Variants in RAI1 observed in about 807,000 individuals in gnomAD.
The protein encoded by RAI1 is retinoic acid induced 1.
Under a neutral mutation model 123.8 loss-of-function variants are expected in RAI1, and 9 were observed. The observed-to-expected ratio is 0.07, with a 90% CI of 0.04 to 0.13. The LOEUF (loss-of-function observed/expected upper bound fraction) is 0.13, where lower values mean the gene tolerates loss of function less well. Among genes scored for constraint, RAI1 ranks in the 10% least tolerant of loss-of-function variants. RAI1 has a pLI of 1.00. For missense variants in RAI1, 2,256 were observed against 2,545.8 expected (o/e 0.89, Z 2.45); for synonymous variants, 1,231 against 1,127.3 (o/e 1.09, Z -1.84).
intron 1 of RAI1, among the ~76,000 whole-genome samples, chr17:17,719,966 T>C (rs1915825550): frequency 6.6e-6 from 1 of 152,180 alleles, no homozygotes; most frequent in South Asian, 2.1e-4. Flanking sequence ...AGCGTGAGGC[T>C]TACCAGACCA....
At chr17:17,702,739 C>T (rs956808605) in intron 1 of RAI1, among the ~76,000 whole-genome samples, 3 of 152,154 alleles carry the variant, frequency 2.0e-5, no homozygotes, top group Admixed American at 6.5e-5. Context: ...ATGTGAAACT[C>T]TTGGTATCCA....
chr17:17,752,439 G>C (rs1425279799), intron 2 of RAI1, among the ~76,000 whole-genome samples: 1 of 152,088 alleles, frequency 6.6e-6, no homozygotes, highest in Non-Finnish European at 1.5e-5. Context: ...TAACAGGCGG[G>C]CGCGGCCGCG....
intron 2 of RAI1, among the ~76,000 whole-genome samples, chr17:17,771,738 A>T (rs2031166892): frequency 6.6e-6 from 1 of 152,182 alleles, no homozygotes; most frequent in Non-Finnish European, 1.5e-5. Flanking sequence ...TGGTATGCAG[A>T]GTCATCCCTT....
At chr17:17,715,441 T>TG (rs2142913157) in intron 1 of RAI1, among the ~76,000 whole-genome samples, 1 of 152,328 alleles carries the variant, frequency 6.6e-6, no homozygotes, top group African/African-American at 2.4e-5. Flanking sequence ...GGATTCCATG[T>TG]GGGGTGCTTG....
chr17:17,787,653 G>A (rs1239238523), intron 2 of RAI1, among the ~76,000 whole-genome samples: 3 of 152,164 alleles, frequency 2.0e-5, no homozygotes, highest in African/African-American at 4.8e-5. Context: ...TGGGCCCTGC[G>A]GCCCAGGTCT....
intron 2 of RAI1, among the ~76,000 whole-genome samples, chr17:17,782,959 C>G (rs547638694): frequency 4.6e-5 from 7 of 152,162 alleles, no homozygotes; most frequent in African/African-American, 7.2e-5. Flanking sequence ...GCGGCAGCCC[C>G]GGCCTCATTT....
chr17:17,802,307 C>CT, intron 3 of RAI1: 1 of 399,522 alleles, frequency 2.5e-6, no homozygotes. Context: ...AGCTGGTCCC[C>CT]TGGAGGGTGC....
At position 17,800,316 on chromosome 17, in the gene RAI1, TG is replaced by T. The variant is rs2032420288; in HGVS notation, c.5565+1805del. Among the ~76,000 whole-genome samples, 1 of 151,966 alleles carries T rather than the reference TG, an allele frequency of 6.6e-6. No homozygotes were observed. Among genetic ancestry groups the T allele is most frequent in the East Asian group, 1.9e-4 (1 of 5,164 alleles). On this transcript the variant is annotated intron_variant, in intron 3 of 5. Transcript: ENST00000353383. This position sits in a 1 kb window ranked among gnomAD's most constrained non-coding sequence, Gnocchi z 4.7. ...TAACCCTCAGATCACCAGCCCCAGC[TG>T]GCTGCCACCTCCCCTGCTTCACAGC...
chr17:17,771,506 C>T lies in RAI1; in HGVS notation c.-16-21427C>T, dbSNP rs574566077. On this transcript the variant is annotated intron_variant, in intron 2 of 5. Transcript: ENST00000353383. ...CTCTAGAGGCTGTGGGGACAGAGTG[C>T]ATCAACCTGGGGTGCATCCAGTCCA... 3.9e-5 allele frequency among the ~76,000 whole-genome samples: 6 copies of T among 152,332 alleles called. 1 individual carries two copies. The South Asian group carries it at 1.2e-3, about 32-fold the overall frequency.
Position 17,797,538 on chromosome 17 carries a change from C to G in RAI1, c.4590C>G (p.Asn1530Lys). 5 of 1,614,046 alleles carry G rather than the reference C, an allele frequency of 3.1e-6. No individual in the cohort carries two copies. The highest frequency in any genetic ancestry group is 3.4e-6 in the Non-Finnish European group (4 of 1,180,002). The change falls in exon 3 of 6, where the codon AAC (asparagine) becomes AAG (lysine). Residue 1530 changes from asparagine to lysine, a missense_variant. Asn to Lys is a moderately conservative substitution (Grantham distance 94, BLOSUM62 0). This residue lies in a region of RAI1 where 410 missense variants were observed against 374.6 expected (regional missense o/e 1.09). Transcript: ENST00000353383. ...CACAGAAACAGCCAGGCCACACCAA[C>G]TACAGCAGCTATTCCAAGCGGAAGC... ...TRAQKQPGHTNYSSYSKRKRL... is the reference protein window; with the variant it reads ...TRAQKQPGHTKYSSYSKRKRL...
intron 1 of RAI1, among the ~76,000 whole-genome samples, chr17:17,717,138 G>C (rs534047577): frequency 1.3e-5 from 2 of 152,326 alleles, no homozygotes; most frequent in African/African-American, 4.8e-5. Flanking sequence ...GAATGTGGCT[G>C]CTGCCATGGC....
chr17:17,705,566 A>AAAAACT (rs1915366474), intron 1 of RAI1, among the ~76,000 whole-genome samples: 1 of 152,090 alleles, frequency 6.6e-6, no homozygotes, highest in South Asian at 2.1e-4. Context: ...AAACAAAAAC[A>AAAAACT]AAAACAAAAA....
chr17:17,805,411 C>A (rs1256173697), intron 4 of RAI1, among the ~76,000 whole-genome samples: 2 of 152,192 alleles, frequency 1.3e-5, no homozygotes, highest in South Asian at 4.1e-4. Context: ...TCCCCGTCAC[C>A]CTCAATCCCT....
chr17:17,793,459 C>T lies in RAI1; in HGVS notation c.511C>T (p.Leu171=). The T allele has an allele frequency of 6.2e-7, 1 of 1,613,404 alleles. No homozygotes were observed. The highest frequency in any genetic ancestry group is 1.3e-5 in the African/African-American group (1 of 75,026). ...GAQVPFRTHS[L]HVQQPPPPQQ... ...CCAGGTGCCCTTTCGGACTCACTCCCTGCACGTCCAGCAGCCACCGCCGCC... is the reference window on the plus strand; with the variant it reads ...CCAGGTGCCCTTTCGGACTCACTCCTTGCACGTCCAGCAGCCACCGCCGCC... Residue 171 remains leucine, a synonymous_variant, in exon 3 of 6, where the codon CTG becomes TTG. Transcript: ENST00000353383.
At chr17:17,704,584 C>T (rs1598023006) in intron 1 of RAI1, among the ~76,000 whole-genome samples, 1 of 152,264 alleles carries the variant, frequency 6.6e-6, no homozygotes. Context: ...AGCTCTGTGA[C>T]CTTGGTGAGT....
chr17:17,757,332 G>C (rs1182653867), intron 2 of RAI1, among the ~76,000 whole-genome samples: 1 of 152,232 alleles, frequency 6.6e-6, no homozygotes, highest in Non-Finnish European at 1.5e-5. Context: ...GCAGGAGAGA[G>C]CTCCAGATCA....
At chr17:17,784,977 C>T (rs943247631) in intron 2 of RAI1, among the ~76,000 whole-genome samples, 2 of 152,104 alleles carry the variant, frequency 1.3e-5, no homozygotes, top group African/African-American at 4.8e-5. Context: ...GCCCTTCTTC[C>T]AGCCTTCCCT....
chr17:17,743,482 T>C (rs949710703), intron 2 of RAI1, among the ~76,000 whole-genome samples: 22 of 152,184 alleles, frequency 1.4e-4, no homozygotes, highest in Non-Finnish European at 4.4e-5. Flanking sequence ...GGCCCCTGAG[T>C]GGCAGCGTCC....
intron 2 of RAI1, among the ~76,000 whole-genome samples, chr17:17,774,602 T>C (rs1274530453): frequency 3.9e-5 from 6 of 152,270 alleles, no homozygotes; most frequent in African/African-American, 1.4e-4. Context: ...TTCCTGAGGC[T>C]GTGGGCTGGA....
Sources: allele counts gnomAD v4.1 joint callset (sites outside exome capture counted in the v4.1 genomes callset), GRCh38; gene constraint gnomAD v4.1.1; regional missense constraint gnomAD v4.1.1; non-coding constraint Gnocchi (gnomAD v3.1); transcripts MANE v1.5; gene names NCBI Gene and HGNC (gene_info 2026-07-23, HGNC 2026-07-21).